NGLY1: variants seen among roughly 807,000 people sequenced by gnomAD.
NGLY1 encodes N-glycanase 1.
A neutral mutation model predicts 84.6 loss-of-function variants in NGLY1; 68 were observed. The ratio of observed to expected loss-of-function variants is 0.80; its 90% CI spans 0.66 to 0.98. The LOEUF (loss-of-function observed/expected upper bound fraction) is 0.98. Among genes scored for constraint, NGLY1 ranks in the 50% least tolerant of loss-of-function variants. The pLI is 0.00. For missense variants in NGLY1, 779 were observed against 770.2 expected, an observed-to-expected ratio of 1.01 and a Z score of -0.14; for synonymous variants, 280 against 275.2, an observed-to-expected ratio of 1.02 and a Z score of -0.17.
chr3:25,749,414 A>C, intron 4 of NGLY1: 3 of 849,704 alleles, frequency 3.5e-6, no homozygotes, highest in Non-Finnish European at 5.8e-6. Flanking sequence ...GACATTATTC[A>C]CCTTAAAAAG....
At chr3:25,778,051 T>C (rs1575665599) in intron 2 of NGLY1, among the ~76,000 whole-genome samples, 1 of 152,316 alleles carries the variant, frequency 6.6e-6, no homozygotes, top group East Asian at 1.9e-4. Flanking sequence ...CTACTTTCGA[T>C]GTGTCATAAA....
At chr3:25,738,912 T>A (rs1327946368) in intron 5 of NGLY1, among the ~76,000 whole-genome samples, 1 of 152,178 alleles carries the variant, frequency 6.6e-6, no homozygotes, top group Non-Finnish European at 1.5e-5. Flanking sequence ...GAAAACAGGC[T>A]TATAAATTAA....
intron 2 of NGLY1, among the ~76,000 whole-genome samples, chr3:25,776,634 T>C (rs1333779209): frequency 6.6e-6 from 1 of 152,146 alleles, no homozygotes; most frequent in Non-Finnish European, 1.5e-5. Flanking sequence ...TGTTAGTTTC[T>C]CCCCTAAAAC....
intron 10 of NGLY1, among the ~76,000 whole-genome samples, chr3:25,727,172 C>T (rs1269201473): frequency 6.6e-6 from 1 of 152,142 alleles, no homozygotes; most frequent in Non-Finnish European, 1.5e-5. Flanking sequence ...TCCGAGTTAT[C>T]ACTCTCTACA....
intron 5 of NGLY1, among the ~76,000 whole-genome samples, chr3:25,738,189 G>T (rs1372130809): frequency 6.6e-6 from 1 of 151,992 alleles, no homozygotes; most frequent in Non-Finnish European, 1.5e-5. Context: ...GTATTTAAAA[G>T]GTAAACAACT....
intron 3 of NGLY1, among the ~76,000 whole-genome samples, chr3:25,756,992 A>C (rs1707071519): frequency 3.3e-5 from 5 of 152,232 alleles, no homozygotes; most frequent in Admixed American, 3.3e-4. Context: ...TGTTTTTCTT[A>C]AGTTCAACAT....
chr3:25,776,806 G>C (rs764271423), intron 2 of NGLY1, among the ~76,000 whole-genome samples: 2 of 151,968 alleles, frequency 1.3e-5, no homozygotes, highest in Non-Finnish European at 2.9e-5. Context: ...AGAAATCCTG[G>C]ATCCATCTAC....
intron 4 of NGLY1, among the ~76,000 whole-genome samples, chr3:25,743,200 C>T (rs1706241811): frequency 1.3e-5 from 2 of 152,152 alleles, no homozygotes; most frequent in Non-Finnish European, 2.9e-5. Flanking sequence ...CTTCGATTTC[C>T]CGCTGTGATA....
chr3:25,766,335 G>A (rs1707570192), intron 2 of NGLY1, among the ~76,000 whole-genome samples: 1 of 152,216 alleles, frequency 6.6e-6, no homozygotes, highest in Admixed American at 6.5e-5. Context: ...CCAAAAAGCT[G>A]GGATTATAGG....
chr3:25,762,224 A>G (rs1044854377), intron 3 of NGLY1, among the ~76,000 whole-genome samples: 2 of 152,178 alleles, frequency 1.3e-5, no homozygotes, highest in African/African-American at 2.4e-5. Context: ...TTTAAAAAAT[A>G]TCTCTCTGGC....
At chr3:25,728,554 C>T (rs774973477) in intron 10 of NGLY1, among the ~76,000 whole-genome samples, 8 of 151,998 alleles carry the variant, frequency 5.3e-5, no homozygotes, top group Non-Finnish European at 1.0e-4. Context: ...TAGCATGTGA[C>T]GATAATATGC....
chr3:25,764,042 A>C, intron 3 of NGLY1, 24 bp downstream of exon 3: 1 of 1,611,518 alleles, frequency 6.2e-7, no homozygotes, highest in Non-Finnish European at 8.5e-7. Context: ...GAAACAGTTA[A>C]AGAAGGTTTA....
chr3:25,749,706 G>A, intron 4 of NGLY1: 1 of 1,583,300 alleles, frequency 6.3e-7, no homozygotes, highest in East Asian at 2.2e-5. Flanking sequence ...CTGCCCAGTG[G>A]CTTCCAGAAG....
At position 25,719,976 on chromosome 3, in the gene NGLY1, T is replaced by C; in HGVS notation, c.1789+38A>G. Reference sequence around the variant, plus strand: ...TACAATTAGTCTTCAGAGTGGTAAATATATATTTCGTGATTAATTCTCCAG... The same window carrying C: ...TACAATTAGTCTTCAGAGTGGTAAACATATATTTCGTGATTAATTCTCCAG... On this transcript the variant is annotated intron_variant, in intron 11 of 11. Coordinates refer to ENST00000280700, the MANE Select transcript of NGLY1 (RefSeq NM_018297.4). The C allele has an allele frequency of 5.1e-6, 8 of 1,555,350 alleles. No individual in the cohort carries two copies. The South Asian group carries it at 8.1e-5, about 16-fold the overall frequency.
chr3:25,766,749 C>G (rs542027807), intron 2 of NGLY1, among the ~76,000 whole-genome samples: 1 of 152,168 alleles, frequency 6.6e-6, no homozygotes, highest in South Asian at 2.1e-4. Flanking sequence ...ACTCCATGGA[C>G]AGAGAAGGAA....
chr3:25,789,791 C>A, intron 1 of NGLY1: 1 of 1,489,878 alleles, frequency 6.7e-7, no homozygotes, highest in South Asian at 1.2e-5. Context: ...GTCCCTTCTC[C>A]GACAAAAGGG....
intron 3 of NGLY1, chr3:25,755,695 T>G: frequency 1.5e-6 from 2 of 1,371,752 alleles, no homozygotes; most frequent in Non-Finnish European, 2.0e-6. Context: ...TATAGTCTAG[T>G]CTAGATGCAT....
At chr3:25,781,327 T>C (rs1036611250) in intron 1 of NGLY1, among the ~76,000 whole-genome samples, 3 of 152,156 alleles carry the variant, frequency 2.0e-5, no homozygotes, top group Non-Finnish European at 4.4e-5. Context: ...GCAAACAGGC[T>C]CCAGCAATGA....
intron 10 of NGLY1, among the ~76,000 whole-genome samples, chr3:25,728,498 C>T (rs1705372604): frequency 1.3e-5 from 2 of 152,062 alleles, no homozygotes; most frequent in African/African-American, 4.8e-5. Flanking sequence ...TGGTGTGTTT[C>T]TAAGGAGCAG....
Sources: allele counts gnomAD v4.1 joint callset (sites outside exome capture counted in the v4.1 genomes callset), GRCh38; gene constraint gnomAD v4.1.1; transcripts MANE v1.5; gene names NCBI Gene and HGNC (gene_info 2026-07-23, HGNC 2026-07-21).